Variants in STK32B observed in about 807,000 individuals in gnomAD.
STK32B encodes the protein serine/threonine kinase 32B.
A neutral mutation model predicts 52.6 loss-of-function variants in STK32B; 43 were observed. The ratio of observed to expected loss-of-function variants is 0.82; its 90% confidence interval spans 0.64 to 1.05. The LOEUF is 1.05. Ranked by LOEUF, STK32B falls within the 50% of genes least tolerant of loss-of-function variation. The pLI, the probability that STK32B is intolerant of heterozygous loss-of-function variation, is 0.00. For synonymous variants in STK32B, 238 were observed against 204.3 expected, an observed-to-expected ratio of 1.17 and a Z score of -1.41; for missense variants, 621 against 534.6, an observed-to-expected ratio of 1.16 and a Z score of -1.59.
intron 6 of STK32B, among the ~76,000 whole-genome samples, chr4:5,421,661 G>A (rs558243599): frequency 3.9e-5 from 6 of 152,312 alleles, no homozygotes; most frequent in African/African-American, 1.4e-4. Flanking sequence ...GTCTGAGGCA[G>A]CCCAGTCCAG....
chr4:5,122,478 C>T (rs762326900), intron 1 of STK32B, among the ~76,000 whole-genome samples: 1 of 152,098 alleles, frequency 6.6e-6, no homozygotes, highest in African/African-American at 2.4e-5. Context: ...AACTCCTTCA[C>T]TCATTCATTC....
At chr4:5,494,738 G>T (rs1170892973) in intron 11 of STK32B, among the ~76,000 whole-genome samples, 1 of 152,162 alleles carries the variant, frequency 6.6e-6, no homozygotes, top group East Asian at 1.9e-4. Context: ...CATGTTTAGT[G>T]CTTGCTTCAG....
At chr4:5,114,378 C>T (rs1375580415) in intron 1 of STK32B, among the ~76,000 whole-genome samples, 1 of 151,992 alleles carries the variant, frequency 6.6e-6, no homozygotes, top group Admixed American at 6.6e-5. Context: ...CATAAAACAT[C>T]TTCTTATAGC....
chr4:5,316,928 TAATA>T (rs1408400847), intron 3 of STK32B, among the ~76,000 whole-genome samples: 1 of 16,644 alleles, frequency 6.0e-5, no homozygotes, highest in Non-Finnish European at 8.1e-5. Context: ...ATAATATATA[TAATA>T]TATATAATAT....
chr4:5,155,494 G>C (rs544401506), intron 2 of STK32B, among the ~76,000 whole-genome samples: 7 of 152,212 alleles, frequency 4.6e-5, no homozygotes, highest in African/African-American at 1.7e-4. Flanking sequence ...AGTTTATAGA[G>C]ACACACATAT....
chr4:5,268,151 A>G (rs1727171796), intron 3 of STK32B, among the ~76,000 whole-genome samples: 1 of 152,168 alleles, frequency 6.6e-6, no homozygotes, highest in Non-Finnish European at 1.5e-5. Context: ...AGAGAGAGGA[A>G]TGTAAAGAAA....
At chr4:5,301,361 T>A (rs927470323) in intron 3 of STK32B, among the ~76,000 whole-genome samples, 1 of 152,130 alleles carries the variant, frequency 6.6e-6, no homozygotes, top group Admixed American at 6.5e-5. Context: ...CTTCTCTGAA[T>A]GGTAAAATTA....
intron 6 of STK32B, among the ~76,000 whole-genome samples, chr4:5,429,287 A>G (rs965139660): frequency 1.3e-5 from 2 of 152,152 alleles, no homozygotes; most frequent in African/African-American, 4.8e-5. Context: ...CTTATATTTA[A>G]TATAATTATT....
At chr4:5,317,059 T>A (rs1488591783) in intron 3 of STK32B, among the ~76,000 whole-genome samples, 15 of 34,114 alleles carry the variant, frequency 4.4e-4, no homozygotes, top group Admixed American at 1.1e-3. Context: ...ATAATATATA[T>A]GATATAATAT....
chr4:5,490,125 T>C (rs545457556), intron 11 of STK32B, among the ~76,000 whole-genome samples: 47 of 146,584 alleles, frequency 3.2e-4, no homozygotes, highest in African/African-American at 1.1e-3. Context: ...TTTTTTTTTT[T>C]CTAGACAGTC....
chr4:5,404,235 G>T (rs1371299575), intron 5 of STK32B, among the ~76,000 whole-genome samples: 1 of 152,082 alleles, frequency 6.6e-6, no homozygotes, highest in African/African-American at 2.4e-5. Context: ...TGTCAGCATG[G>T]CCCTGCTTCC....
At chr4:5,187,921 G>C (rs1368817239) in intron 3 of STK32B, among the ~76,000 whole-genome samples, 1 of 152,154 alleles carries the variant, frequency 6.6e-6, no homozygotes, top group East Asian at 1.9e-4. Flanking sequence ...AGGAAGCGTG[G>C]TTATTATACT....
intron 6 of STK32B, among the ~76,000 whole-genome samples, chr4:5,440,656 T>C (rs1714643246): frequency 1.3e-5 from 2 of 152,328 alleles, no homozygotes; most frequent in East Asian, 1.9e-4. Flanking sequence ...ATAAGAGTGG[T>C]GAGAGAGGGC....
At chr4:5,475,887 T>G (rs1718200905) in intron 11 of STK32B, among the ~76,000 whole-genome samples, 1 of 151,980 alleles carries the variant, frequency 6.6e-6, no homozygotes, top group Non-Finnish European at 1.5e-5. Context: ...CACCACAATC[T>G]TTTTGTTTGT....
intron 3 of STK32B, among the ~76,000 whole-genome samples, chr4:5,170,871 T>C (rs1458884735): frequency 6.6e-6 from 1 of 152,246 alleles, no homozygotes; most frequent in Non-Finnish European, 1.5e-5. Context: ...TCTAGATCCC[T>C]GAGGAATCGC....
At chr4:5,165,461 G>A (rs1040680250) in intron 2 of STK32B, among the ~76,000 whole-genome samples, 3 of 152,148 alleles carry the variant, frequency 2.0e-5, no homozygotes, top group South Asian at 2.1e-4. Context: ...TTATCTGAAG[G>A]GACGCAGCCC....
At chr4:5,184,596 G>C (rs1022273039) in intron 3 of STK32B, among the ~76,000 whole-genome samples, 3 of 150,322 alleles carry the variant, frequency 2.0e-5, no homozygotes, top group African/African-American at 4.9e-5. Context: ...GCTGAGGCAG[G>C]AGAATTGCTT....
At position 5,058,605 on chromosome 4, in the gene STK32B, C is replaced by T. The variant is rs1389101751; in HGVS notation, c.52+6690C>T. ...GTTTTTGAGACAGGGTCTCTGGCGC[C>T]CAGCTGGAGTGCAGTGGTGTGATTG... On this transcript the variant is annotated intron_variant, in intron 1 of 11. Coordinates refer to ENST00000282908, the MANE Select transcript of STK32B (RefSeq NM_018401.3). This position sits in a 1 kb window ranked among gnomAD's most constrained non-coding sequence, Gnocchi z 4.8. Among the ~76,000 whole-genome samples the T allele has an allele frequency of 2.0e-5, 3 of 152,066 alleles. No individual in the cohort carries two copies. The highest frequency in any genetic ancestry group is 4.8e-5 in the African/African-American group (2 of 41,408).
rs1319447546 is a variant in STK32B, at chr4:5,249,501, TCCTCCCTC to T, written c.260+81055_260+81062del. On this transcript the variant is annotated intron_variant, in intron 3 of 11. Transcript: ENST00000282908. ...TTCCTTCCTTCCTTCCTTCCTTCCT[TCCTCCCTC>T]CCTTCCTTTAAACTTTTCTTCTCTC... Among the ~76,000 whole-genome samples the T allele has an allele frequency of 3.2e-4, 40 of 124,960 alleles. 2 individuals carry two copies. The highest frequency in any genetic ancestry group is 2.6e-3 in the South Asian group (10 of 3,802). The allele number at this position is 124,960 out of a possible 152,430, so 82.0% of individuals were successfully genotyped here.
Sources: gnomAD v4.1 joint callset for allele counts (sites outside exome capture counted in the v4.1 genomes callset) on GRCh38, gnomAD v4.1.1 for gene constraint, Gnocchi (gnomAD v3.1) non-coding constraint, MANE v1.5 for transcripts, NCBI Gene and HGNC (gene_info 2026-07-23, HGNC 2026-07-21) for gene names.